The following RALYL variants were observed in gnomAD, a reference collection of about 807,000 sequenced individuals.
The protein encoded by RALYL is RNA-binding Raly-like protein.
RALYL carries 29 observed loss-of-function variants against 35.1 expected under a neutral mutation model. The ratio of observed to expected loss-of-function variants is 0.83; its 90% CI spans 0.61 to 1.13. The LOEUF (loss-of-function observed/expected upper bound fraction) is 1.13, where lower values mean the gene tolerates loss of function less well. Among genes scored for constraint, RALYL ranks in the 50% most tolerant of loss-of-function variants. The pLI is 0.00. For synonymous variants in RALYL, 120 were observed against 127.6 expected, an observed-to-expected ratio of 0.94 and a Z score of 0.40; for missense variants, 359 against 360.4, an observed-to-expected ratio of 1.00 and a Z score of 0.03.
At chr8:84,711,165 C>T (rs531063287) in intron 2 of RALYL, among the ~76,000 whole-genome samples, 1 of 151,866 alleles carries the variant, frequency 6.6e-6, no homozygotes, top group Non-Finnish European at 1.5e-5. Flanking sequence ...AAGAAAGAGT[C>T]CAATAAGTAG....
intron 1 of RALYL, among the ~76,000 whole-genome samples, chr8:84,266,543 G>T (rs1833332386): frequency 6.6e-6 from 1 of 152,200 alleles, no homozygotes; most frequent in Admixed American, 6.5e-5. Flanking sequence ...AGACTTCACA[G>T]CTGGGTCAGA....
intron 8 of RALYL, among the ~76,000 whole-genome samples, chr8:84,905,239 T>C (rs1366225212): frequency 6.6e-6 from 1 of 152,196 alleles, no homozygotes; most frequent in Non-Finnish European, 1.5e-5. Flanking sequence ...TCCATGTTGT[T>C]ACACATTACA....
intron 1 of RALYL, among the ~76,000 whole-genome samples, chr8:84,477,205 T>C (rs1411850611): frequency 1.3e-5 from 2 of 152,088 alleles, no homozygotes; most frequent in Admixed American, 1.3e-4. Flanking sequence ...CATTTTGACT[T>C]AACTAGCAGA....
intron 2 of RALYL, among the ~76,000 whole-genome samples, chr8:84,617,761 C>T (rs1035634937): frequency 3.3e-5 from 5 of 151,322 alleles, no homozygotes; most frequent in South Asian, 4.2e-4. Context: ...TTTTGAAATA[C>T]GTCCCATCAA....
intron 2 of RALYL, among the ~76,000 whole-genome samples, chr8:84,561,448 A>C (rs1437845686): frequency 6.6e-6 from 1 of 151,872 alleles, no homozygotes; most frequent in Non-Finnish European, 1.5e-5. Flanking sequence ...AATATATTCT[A>C]AGATTCCTAG....
intron 2 of RALYL, among the ~76,000 whole-genome samples, chr8:84,697,785 T>G (rs1311439454): frequency 6.6e-6 from 1 of 152,076 alleles, no homozygotes; most frequent in Non-Finnish European, 1.5e-5. Context: ...TTCCCCGCTA[T>G]GTGTCCATAT....
intron 4 of RALYL, among the ~76,000 whole-genome samples, chr8:84,816,608 A>T (rs1827350042): frequency 6.6e-6 from 1 of 152,036 alleles, no homozygotes; most frequent in Non-Finnish European, 1.5e-5. Flanking sequence ...TGGTTGGAAG[A>T]TCTTCAAGAA....
At chr8:84,527,322 T>G (rs1317655824) in intron 1 of RALYL, among the ~76,000 whole-genome samples, 2 of 152,104 alleles carry the variant, frequency 1.3e-5, no homozygotes, top group African/African-American at 4.8e-5. Flanking sequence ...GGATTCAGAG[T>G]ACAGCTGTAC....
intron 2 of RALYL, among the ~76,000 whole-genome samples, chr8:84,673,318 T>G (rs1424508709): frequency 1.3e-5 from 2 of 152,184 alleles, no homozygotes; most frequent in Non-Finnish European, 2.9e-5. Flanking sequence ...ATTCTTTAGG[T>G]TGTCTGTTTA....
rs540632321 is a variant in RALYL, at chr8:84,856,924, A to T, written c.414-5372A>T. ...GCGCCTGTAGTCCCAGCTACTCGGG[A>T]GGCTGAGGCAGGAGAATGGCGTGAA... On this transcript the variant is annotated intron_variant, in intron 5 of 8. Coordinates refer to ENST00000521268, the MANE Select transcript of RALYL (RefSeq NM_173848.7). Among the ~76,000 whole-genome samples, 439 of 146,872 alleles carry T rather than the reference A, an allele frequency of 3.0e-3. 3 individuals carry two copies. Among genetic ancestry groups the T allele is most frequent in the Middle Eastern group, 0.028 (8 of 288 alleles).
chr8:84,197,104 A>T (rs1815500351), intron 1 of RALYL, among the ~76,000 whole-genome samples: 1 of 152,246 alleles, frequency 6.6e-6, no homozygotes, highest in Non-Finnish European at 1.5e-5. Flanking sequence ...TTTTAAAAAC[A>T]GAATGATATA....
intron 1 of RALYL, among the ~76,000 whole-genome samples, chr8:84,492,110 C>G (rs186321190): frequency 1.7e-3 from 252 of 151,998 alleles, no homozygotes; most frequent in African/African-American, 6.0e-3. Context: ...TTTCCACTTG[C>G]AAAATAACTG....
chr8:84,815,050 C>CACTT (rs1424389081), intron 4 of RALYL, among the ~76,000 whole-genome samples: 3 of 152,170 alleles, frequency 2.0e-5, no homozygotes, highest in African/African-American at 7.2e-5. Context: ...TCATTGTAAA[C>CACTT]ACTTACCATC....
intron 1 of RALYL, among the ~76,000 whole-genome samples, chr8:84,394,526 T>A (rs118137462): frequency 1.3e-5 from 2 of 152,006 alleles, no homozygotes; most frequent in African/African-American, 4.8e-5. Flanking sequence ...ATAAGGTGAT[T>A]TAGCAATAAT....
At chr8:84,803,919 G>A (rs544992504) in intron 3 of RALYL, among the ~76,000 whole-genome samples, 8 of 152,180 alleles carry the variant, frequency 5.3e-5, no homozygotes, top group Admixed American at 2.6e-4. Context: ...TCTTCAGTTC[G>A]CCTACATTTC....
chr8:84,194,923 T>G (rs1329399275), intron 1 of RALYL, among the ~76,000 whole-genome samples: 1 of 152,120 alleles, frequency 6.6e-6, no homozygotes, highest in African/African-American at 2.4e-5. Context: ...AACTTGAATG[T>G]GGACTACTGT....
intron 3 of RALYL, among the ~76,000 whole-genome samples, chr8:84,785,089 A>G (rs564391715): frequency 7.4e-4 from 112 of 152,296 alleles, no homozygotes; most frequent in Middle Eastern, 3.4e-3. Context: ...TGAAACTGAG[A>G]TGCCACATAG....
chr8:84,209,041 G>A (rs763852885), intron 1 of RALYL, among the ~76,000 whole-genome samples: 18 of 142,652 alleles, frequency 1.3e-4, no homozygotes, highest in Non-Finnish European at 1.8e-4. Flanking sequence ...CTTTGTATAT[G>A]TACACATGCA....
At chr8:84,241,528 A>G (rs932147440) in intron 1 of RALYL, among the ~76,000 whole-genome samples, 1 of 152,066 alleles carries the variant, frequency 6.6e-6, no homozygotes, top group Admixed American at 6.5e-5. Flanking sequence ...CTGTAATCCC[A>G]GCACTTTGGG....
Sources: gnomAD v4.1 joint callset for allele counts (sites outside exome capture counted in the v4.1 genomes callset) on GRCh38, gnomAD v4.1.1 for gene constraint, MANE v1.5 for transcripts, NCBI Gene and HGNC (gene_info 2026-07-23, HGNC 2026-07-21) for gene names.